The following KIAA1671 variants were observed in gnomAD, a reference collection of about 807,000 sequenced individuals.
KIAA1671 encodes KIAA1671.
Under a neutral mutation model 131.2 loss-of-function variants are expected in KIAA1671, and 52 were observed. The observed-to-expected ratio is 0.40, with a 90% CI of 0.32 to 0.50. The LOEUF is 0.50. Among genes scored for constraint, KIAA1671 ranks in the 20% least tolerant of loss-of-function variants. The pLI is 0.73. For synonymous variants in KIAA1671, 1,003 were observed against 961.6 expected, an observed-to-expected ratio of 1.04 and a Z score of -0.80; for missense variants, 2,360 against 2,364.2, an observed-to-expected ratio of 1.00 and a Z score of 0.04.
chr22:25,169,404 G>A (rs1379875344), intron 6 of KIAA1671, among the ~76,000 whole-genome samples: 1 of 122,218 alleles, frequency 8.2e-6, no homozygotes, highest in Non-Finnish European at 1.6e-5. Context: ...AGGTGACAGA[G>A]TAAGACCTTG....
At chr22:25,083,444 T>G (rs1343299593) in intron 6 of KIAA1671, among the ~76,000 whole-genome samples, 2 of 152,218 alleles carry the variant, frequency 1.3e-5, no homozygotes, top group East Asian at 1.9e-4. Flanking sequence ...GGGAATATAT[T>G]TCAGTCCATA....
chr22:25,156,423 G>A (rs945334495), intron 6 of KIAA1671, among the ~76,000 whole-genome samples: 1 of 151,972 alleles, frequency 6.6e-6, no homozygotes, highest in Middle Eastern at 3.4e-3. Flanking sequence ...ATATGTGTTT[G>A]TGTGTATATG....
intron 6 of KIAA1671, among the ~76,000 whole-genome samples, chr22:25,129,954 T>G (rs1404697731): frequency 1.3e-5 from 2 of 152,166 alleles, no homozygotes; most frequent in Non-Finnish European, 2.9e-5. Context: ...AAGTGCTTAT[T>G]AACAGACAGG....
At chr22:25,189,126 C>CTTTTTTTTTTTTTTTTTTTTTTT (rs200226589) in intron 11 of KIAA1671, among the ~76,000 whole-genome samples, 137 of 114,830 alleles carry the variant, frequency 1.2e-3, no homozygotes, top group African/African-American at 2.7e-3. Flanking sequence ...CAGTCTTTTT[C>CTTTTTTTTTTTTTTTTTTTTTTT]TTTTTTTTTT....
chr22:25,145,774 A>G (rs1447752510), intron 6 of KIAA1671, among the ~76,000 whole-genome samples: 1 of 147,342 alleles, frequency 6.8e-6, no homozygotes, highest in Non-Finnish European at 1.5e-5. Context: ...CCCCATCTCT[A>G]CAAAAAAAAT....
At chr22:25,032,262 A>G (rs1006498299) in intron 3 of KIAA1671, among the ~76,000 whole-genome samples, 2 of 152,226 alleles carry the variant, frequency 1.3e-5, no homozygotes, top group Non-Finnish European at 2.9e-5. Context: ...GGCCTTGAGT[A>G]GCCTCTTATC....
At chr22:25,132,792 C>T (rs569478861) in intron 6 of KIAA1671, among the ~76,000 whole-genome samples, 8 of 152,292 alleles carry the variant, frequency 5.3e-5, no homozygotes, top group East Asian at 1.9e-4. Context: ...AGAATACCAA[C>T]GCCTGTAATC....
intron 6 of KIAA1671, among the ~76,000 whole-genome samples, chr22:25,083,822 A>T (rs1344239984): frequency 6.6e-6 from 1 of 152,048 alleles, no homozygotes; most frequent in Non-Finnish European, 1.5e-5. Context: ...CCTTTGCCAG[A>T]CCCCCTGCTG....
chr22:25,116,426 T>TGTATGTAC (rs1931668319), intron 6 of KIAA1671, among the ~76,000 whole-genome samples: 1 of 126,494 alleles, frequency 7.9e-6, no homozygotes, highest in African/African-American at 4.5e-5. Context: ...TATGTATGTA[T>TGTATGTAC]GTATGTACGT....
chr22:24,992,621 C>T (rs1200595053), intron 1 of KIAA1671, among the ~76,000 whole-genome samples: 1 of 151,900 alleles, frequency 6.6e-6, no homozygotes, highest in African/African-American at 2.4e-5. Flanking sequence ...TCGAGACCAG[C>T]TTGGCCAACA....
intron 6 of KIAA1671, among the ~76,000 whole-genome samples, chr22:25,085,895 C>CA (rs1378180608): frequency 6.6e-6 from 1 of 152,080 alleles, no homozygotes; most frequent in Non-Finnish European, 1.5e-5. Flanking sequence ...AATAAATACT[C>CA]ACTGCACTGG....
intron 6 of KIAA1671, among the ~76,000 whole-genome samples, chr22:25,125,853 G>A (rs1488796698): frequency 6.6e-6 from 1 of 152,218 alleles, no homozygotes; most frequent in Non-Finnish European, 1.5e-5. Flanking sequence ...ACAGATTCTG[G>A]ACAAGGCCAA....
chr22:24,977,230 C>T (rs1186767340), intron 1 of KIAA1671, among the ~76,000 whole-genome samples: 6 of 152,136 alleles, frequency 3.9e-5, no homozygotes, highest in African/African-American at 1.4e-4. Flanking sequence ...CTTGCAACCT[C>T]GGAATTGTGT....
intron 1 of KIAA1671, among the ~76,000 whole-genome samples, chr22:25,018,353 T>C (rs1925456811): frequency 6.6e-6 from 1 of 152,094 alleles, no homozygotes; most frequent in Non-Finnish European, 1.5e-5. Flanking sequence ...TCCCGTTATG[T>C]TTGTTTTTTA....
At chr22:25,165,844 G>A (rs1933625541) in intron 6 of KIAA1671, among the ~76,000 whole-genome samples, 1 of 152,050 alleles carries the variant, frequency 6.6e-6, no homozygotes, top group African/African-American at 2.4e-5. Flanking sequence ...AATGTGAGGG[G>A]AGGGAAATGG....
At chr22:25,063,216 G>A (rs992759566) in intron 6 of KIAA1671, 6 of 152,132 alleles carry the variant, frequency 3.9e-5, no homozygotes, top group African/African-American at 7.2e-5. Context: ...CCCACCGCCC[G>A]GGTTTGTTTT....
intron 4 of KIAA1671, among the ~76,000 whole-genome samples, chr22:25,034,200 C>G (rs1363524715): frequency 1.3e-5 from 2 of 152,054 alleles, no homozygotes; most frequent in Non-Finnish European, 2.9e-5. Flanking sequence ...CACCCACTAC[C>G]ACGCCTGGCT....
intron 6 of KIAA1671, among the ~76,000 whole-genome samples, chr22:25,106,419 G>A (rs1003029698): frequency 2.2e-4 from 34 of 152,158 alleles, no homozygotes; most frequent in Non-Finnish European, 1.8e-4. Context: ...AGCAGCTGAC[G>A]TGTGTGTGTG....
chr22:24,989,503 C>G (rs1439398837), intron 1 of KIAA1671, among the ~76,000 whole-genome samples: 1 of 152,162 alleles, frequency 6.6e-6, no homozygotes, highest in Non-Finnish European at 1.5e-5. Flanking sequence ...TGAGCTCAGT[C>G]TCTTCACTGC....
Sources: allele counts gnomAD v4.1 joint callset (sites outside exome capture counted in the v4.1 genomes callset), GRCh38; gene constraint gnomAD v4.1.1; transcripts MANE v1.5; gene names NCBI Gene and HGNC (gene_info 2026-07-23, HGNC 2026-07-21).